Variants in MARCHF1 observed in about 807,000 individuals in gnomAD.
MARCHF1 encodes the protein E3 ubiquitin-protein ligase MARCHF1.
MARCHF1 carries 40 observed loss-of-function variants against 54.2 expected under a neutral mutation model. The observed-to-expected ratio is 0.74, with a 90% CI of 0.57 to 0.96. The LOEUF (loss-of-function observed/expected upper bound fraction) is 0.96, where lower values mean the gene tolerates loss of function less well. Among genes scored for constraint, MARCHF1 ranks in the 40% least tolerant of loss-of-function variants. The pLI, the probability that MARCHF1 is intolerant of heterozygous loss-of-function variation, is 0.00. For missense variants in MARCHF1, 586 were observed against 656.5 expected (o/e 0.89, Z 1.17); for synonymous variants, 236 against 236.3 (o/e 1.00, Z 0.01).
intron 3 of MARCHF1, among the ~76,000 whole-genome samples, chr4:163,868,640 G>C (rs1387227027): frequency 2.0e-5 from 3 of 151,958 alleles, no homozygotes; most frequent in Non-Finnish European, 2.9e-5. Context: ...CCGATCCCAT[G>C]AGACCTAAAT....
chr4:163,992,192 T>G (rs193118172), intron 2 of MARCHF1, among the ~76,000 whole-genome samples: 4 of 151,588 alleles, frequency 2.6e-5, no homozygotes. Context: ...ATTAAATGGA[T>G]AGACTGAAAA....
intron 3 of MARCHF1, among the ~76,000 whole-genome samples, chr4:163,923,886 T>C (rs1751483265): frequency 6.7e-6 from 1 of 150,332 alleles, no homozygotes; most frequent in Non-Finnish European, 1.5e-5. Context: ...TGATAGGTGA[T>C]GATAGATAGA....
intron 4 of MARCHF1, among the ~76,000 whole-genome samples, chr4:163,736,260 T>TG (rs1197582741): frequency 6.6e-6 from 1 of 152,068 alleles, no homozygotes; most frequent in African/African-American, 2.4e-5. Flanking sequence ...AGGGGTTACT[T>TG]GAACACAAGC....
chr4:163,929,954 A>ATT (rs1560823695), intron 3 of MARCHF1, among the ~76,000 whole-genome samples: 1 of 100,016 alleles, frequency 1.0e-5, no homozygotes, highest in Non-Finnish European at 1.8e-5. Context: ...TATTATATAT[A>ATT]TTATATATAA....
At chr4:164,252,406 G>C (rs1476101069) in intron 1 of MARCHF1, among the ~76,000 whole-genome samples, 1 of 152,144 alleles carries the variant, frequency 6.6e-6, no homozygotes, top group African/African-American at 2.4e-5. Flanking sequence ...CAAGGAATGA[G>C]AGAAGACACA....
chr4:163,766,529 G>A (rs1226988033), intron 4 of MARCHF1, among the ~76,000 whole-genome samples: 3 of 152,066 alleles, frequency 2.0e-5, no homozygotes, highest in East Asian at 1.9e-4. Flanking sequence ...CACAGACTCT[G>A]TTCTACTCTC....
intron 5 of MARCHF1, among the ~76,000 whole-genome samples, chr4:163,675,491 T>C (rs1040403696): frequency 1.1e-4 from 16 of 152,254 alleles, no homozygotes; most frequent in African/African-American, 3.6e-4. Context: ...AGCACAAAAT[T>C]GCTAGGACCC....
intron 4 of MARCHF1, among the ~76,000 whole-genome samples, chr4:163,721,106 C>T (rs926119641): frequency 1.4e-4 from 21 of 152,086 alleles, no homozygotes; most frequent in African/African-American, 2.9e-4. Flanking sequence ...TGTATTGTGC[C>T]GGTTTTCAAA....
At chr4:164,219,739 C>T (rs1038347192) in intron 1 of MARCHF1, among the ~76,000 whole-genome samples, 1 of 151,872 alleles carries the variant, frequency 6.6e-6, no homozygotes, top group Admixed American at 6.6e-5. Context: ...TCCAATGACT[C>T]GGATCAGCTC....
chr4:164,348,466 G>A (rs1031968275), intron 1 of MARCHF1, among the ~76,000 whole-genome samples: 1 of 152,126 alleles, frequency 6.6e-6, no homozygotes, highest in Non-Finnish European at 1.5e-5. Flanking sequence ...ACCTGGAAGT[G>A]CCAAAGACAT....
rs547179748 is a variant in MARCHF1, at chr4:163,638,774, G to A, written c.163-25381C>T. Among the ~76,000 whole-genome samples the A allele has an allele frequency of 5.9e-5, 9 of 152,164 alleles. No individual in the cohort carries two copies. In the South Asian group the frequency reaches 1.2e-3, roughly 21 times the overall value. ...AGGTGAAAGCAACCCATTGTCCATCGATGGATGAATGGATAAACAAAATAA... is the reference window on the plus strand; with the variant it reads ...AGGTGAAAGCAACCCATTGTCCATCAATGGATGAATGGATAAACAAAATAA... On this transcript the variant is annotated intron_variant, in intron 5 of 9. Coordinates refer to ENST00000514618, the MANE Select transcript of MARCHF1 (RefSeq NM_001394959.1).
At chr4:164,343,043 A>C (rs1183233368) in intron 1 of MARCHF1, among the ~76,000 whole-genome samples, 1 of 152,128 alleles carries the variant, frequency 6.6e-6, no homozygotes, top group Non-Finnish European at 1.5e-5. Flanking sequence ...AAAATAAATA[A>C]TTCCTGGAGA....
intron 2 of MARCHF1, among the ~76,000 whole-genome samples, chr4:164,092,497 A>G (rs1755326304): frequency 6.6e-6 from 1 of 152,158 alleles, no homozygotes; most frequent in South Asian, 2.1e-4. Context: ...GATGTGATAT[A>G]TATAAACAGG....
At chr4:163,646,190 A>C (rs1249519610) in intron 5 of MARCHF1, among the ~76,000 whole-genome samples, 1 of 152,102 alleles carries the variant, frequency 6.6e-6, no homozygotes, top group Non-Finnish European at 1.5e-5. Flanking sequence ...TCTCAACAGA[A>C]ACTTGCAATC....
Position 164,369,772 on chromosome 4 carries a change from A to C in MARCHF1, c.-323+14098T>G, listed in dbSNP as rs1426237451. On this transcript the variant is annotated intron_variant, in intron 1 of 9. Coordinates refer to ENST00000514618, the MANE Select transcript of MARCHF1 (RefSeq NM_001394959.1). ...CTACCCTATTTAAAGCATGTCTTTCAAAAAGTAAGTTCTAAATATTATACA... is the reference window on the plus strand; with the variant it reads ...CTACCCTATTTAAAGCATGTCTTTCCAAAAGTAAGTTCTAAATATTATACA... Among the ~76,000 whole-genome samples the C allele has an allele frequency of 2.6e-5, 4 of 152,294 alleles. No homozygotes were observed. In the East Asian group the frequency reaches 5.8e-4, roughly 22 times the overall value.
chr4:163,930,505 G>A (rs1228339994), intron 3 of MARCHF1, among the ~76,000 whole-genome samples: 1 of 145,216 alleles, frequency 6.9e-6, no homozygotes, highest in Non-Finnish European at 1.5e-5. Context: ...CTGGTGTGAT[G>A]ATTAATTTTA....
chr4:163,975,886 C>T (rs1341660054), intron 3 of MARCHF1, among the ~76,000 whole-genome samples: 2 of 152,084 alleles, frequency 1.3e-5, no homozygotes, highest in Admixed American at 6.5e-5. Flanking sequence ...GAAGCCCATA[C>T]AATGTTTAAA....
At chr4:163,700,977 G>C (rs1204808817) in intron 4 of MARCHF1, 114 bp from the exon 5 acceptor site, 1 of 693,406 alleles carries the variant, frequency 1.4e-6, no homozygotes, top group Non-Finnish European at 2.5e-6. Context: ...TCTCTATATT[G>C]TTTTGACTAA....
rs144475407 is a variant in MARCHF1 at position 164,277,836 on chromosome 4, A to G, written c.-323+106034T>C. ...ATCCAGTGCACCATTTAGAACTTAGATGTAGTCAATACAGGTTTGTGGAAC... is the reference window on the plus strand; with the variant it reads ...ATCCAGTGCACCATTTAGAACTTAGGTGTAGTCAATACAGGTTTGTGGAAC... On this transcript the variant is annotated intron_variant, in intron 1 of 9. Transcript: ENST00000514618. Among the ~76,000 whole-genome samples, 1,172 of 152,314 alleles carry G rather than the reference A, an allele frequency of 7.7e-3. 10 individuals carry two copies. Among genetic ancestry groups the G allele is most frequent in the Middle Eastern group, 0.02 (6 of 294 alleles).
Sources: allele counts gnomAD v4.1 joint callset (sites outside exome capture counted in the v4.1 genomes callset), GRCh38; gene constraint gnomAD v4.1.1; transcripts MANE v1.5; gene names NCBI Gene and HGNC (gene_info 2026-07-23, HGNC 2026-07-21).